Variants in SORCS1 observed in about 807,000 individuals in gnomAD.
SORCS1 encodes VPS10 domain-containing receptor SorCS1.
SORCS1 carries 60 observed loss-of-function variants against 146.1 expected under a neutral mutation model. That is an observed-to-expected ratio of 0.41 (90% CI 0.33 to 0.51). The LOEUF (loss-of-function observed/expected upper bound fraction) is 0.51. Among genes scored for constraint, SORCS1 ranks in the 20% least tolerant of loss-of-function variants. SORCS1 has a pLI of 0.21. For missense variants in SORCS1, 1,352 were observed against 1,487.6 expected (o/e 0.91, Z 1.50); for synonymous variants, 637 against 584.0 (o/e 1.09, Z -1.31).
intron 1 of SORCS1, among the ~76,000 whole-genome samples, chr10:107,019,665 T>C (rs1425074558): frequency 5.3e-5 from 8 of 152,304 alleles, no homozygotes; most frequent in African/African-American, 1.7e-4. Flanking sequence ...GGAAATGCCA[T>C]TCAATCAAAA....
At chr10:106,836,166 G>T (rs1008584184) in intron 2 of SORCS1, among the ~76,000 whole-genome samples, 2 of 151,992 alleles carry the variant, frequency 1.3e-5, no homozygotes, top group Non-Finnish European at 2.9e-5. Context: ...TAACTAGCCT[G>T]CTTAAGACTA....
At chr10:107,174,905 C>T in the SORCS1 span, among the ~76,000 whole-genome samples, 2 of 152,110 alleles carry the variant, frequency 1.3e-5, no homozygotes, top group Non-Finnish European at 2.9e-5. Context: ...ATGCTGTTTA[C>T]TGGAGTTTTT....
At chr10:106,686,905 A>T (rs1399726192) in intron 10 of SORCS1, among the ~76,000 whole-genome samples, 1 of 152,184 alleles carries the variant, frequency 6.6e-6, no homozygotes, top group African/African-American at 2.4e-5. Flanking sequence ...GGATAACATC[A>T]AAGTCAGAAC....
intron 1 of SORCS1, among the ~76,000 whole-genome samples, chr10:107,000,240 G>A (rs1348122604): frequency 6.6e-6 from 1 of 152,212 alleles, no homozygotes; most frequent in Non-Finnish European, 1.5e-5. Context: ...ATGTCAAAGT[G>A]GTCCTGAGAA....
chr10:106,984,166 G>A (rs1383468297), intron 1 of SORCS1, among the ~76,000 whole-genome samples: 1 of 152,114 alleles, frequency 6.6e-6, no homozygotes, highest in Non-Finnish European at 1.5e-5. Context: ...AGACAAGGAC[G>A]TCCTACTGAA....
intron 1 of SORCS1, among the ~76,000 whole-genome samples, chr10:106,994,299 C>CTGGA (rs1956905577): frequency 6.6e-6 from 1 of 151,972 alleles, no homozygotes; most frequent in Admixed American, 6.6e-5. Context: ...AAAAATCTGT[C>CTGGA]TGGAATATGC....
At chr10:106,843,429 CT>C (rs141378677) in intron 2 of SORCS1, among the ~76,000 whole-genome samples, 7 of 116,794 alleles carry the variant, frequency 6.0e-5, no homozygotes, top group Admixed American at 3.2e-4. Flanking sequence ...GCAGGATTTC[CT>C]TTTTTTTTTT....
intron 1 of SORCS1, among the ~76,000 whole-genome samples, chr10:107,141,274 T>C (rs1464460717): frequency 6.6e-6 from 1 of 152,188 alleles, no homozygotes; most frequent in African/African-American, 2.4e-5. Context: ...GCTACTTTTG[T>C]AGAGAGGAAC....
At chr10:107,116,770 C>T (rs924669797) in intron 1 of SORCS1, among the ~76,000 whole-genome samples, 1 of 152,140 alleles carries the variant, frequency 6.6e-6, no homozygotes, top group Admixed American at 6.5e-5. Context: ...TTGTTATAAT[C>T]ATTACACAAA....
intron 5 of SORCS1, among the ~76,000 whole-genome samples, chr10:106,739,750 G>C (rs1322070083): frequency 1.3e-5 from 2 of 151,944 alleles, no homozygotes; most frequent in Admixed American, 1.3e-4. Context: ...AGGAGATCAA[G>C]ATAATCCTGG....
At chr10:107,062,419 A>G (rs940177181) in intron 1 of SORCS1, among the ~76,000 whole-genome samples, 1 of 151,972 alleles carries the variant, frequency 6.6e-6, no homozygotes, top group African/African-American at 2.4e-5. Context: ...TTATAATTAC[A>G]GTTACTTTAA....
intron 1 of SORCS1, among the ~76,000 whole-genome samples, chr10:107,090,121 T>C (rs1488829829): frequency 6.6e-6 from 1 of 152,212 alleles, no homozygotes; most frequent in Non-Finnish European, 1.5e-5. Context: ...GGTCTCTCTC[T>C]GGGATGAACC....
intron 18 of SORCS1, among the ~76,000 whole-genome samples, chr10:106,646,560 G>T (rs1403210268): frequency 6.6e-6 from 1 of 152,018 alleles, no homozygotes; most frequent in African/African-American, 2.4e-5. Context: ...GCTGGGTGTG[G>T]TGGCATGCCC....
At chr10:106,881,076 C>CAAAAAAAAAAAAAA (rs59128024) in intron 2 of SORCS1, among the ~76,000 whole-genome samples, 1 of 69,168 alleles carries the variant, frequency 1.4e-5, no homozygotes, top group Non-Finnish European at 2.7e-5. Context: ...GACTCTGTCT[C>CAAAAAAAAAAAAAA]AAAAAAAAAA....
At chr10:107,162,869 T>C (rs575105896) in intron 1 of SORCS1, among the ~76,000 whole-genome samples, 6 of 152,372 alleles carry the variant, frequency 3.9e-5, no homozygotes, top group African/African-American at 1.2e-4. Flanking sequence ...AATTACCTGG[T>C]TGAAGCTGTA....
chr10:106,718,583 G>A (rs1186521721), intron 6 of SORCS1, among the ~76,000 whole-genome samples: 2 of 152,352 alleles, frequency 1.3e-5, no homozygotes, highest in East Asian at 1.9e-4. Context: ...AAGATTTATT[G>A]CAAAGAGCAA....
intron 1 of SORCS1, among the ~76,000 whole-genome samples, chr10:107,108,665 T>C (rs1020713919): frequency 6.6e-6 from 1 of 152,044 alleles, no homozygotes; most frequent in African/African-American, 2.4e-5. Flanking sequence ...CTCTCAAATC[T>C]CATGTCCTTC....
chr10:107,012,945 A>C (rs1459885211), intron 1 of SORCS1, among the ~76,000 whole-genome samples: 1 of 152,134 alleles, frequency 6.6e-6, no homozygotes, highest in Non-Finnish European at 1.5e-5. Flanking sequence ...TTCCAGGTTG[A>C]GTTGCTTGTT....
chr10:106,748,265 C>T (rs967719860), intron 5 of SORCS1, among the ~76,000 whole-genome samples: 4 of 152,090 alleles, frequency 2.6e-5, no homozygotes, highest in Admixed American at 2.0e-4. Context: ...TGTCTCCGTG[C>T]CACATTTTGC....
Sources: allele counts gnomAD v4.1 joint callset (sites outside exome capture counted in the v4.1 genomes callset), GRCh38; gene constraint gnomAD v4.1.1; transcripts MANE v1.5; gene names NCBI Gene and HGNC (gene_info 2026-07-23, HGNC 2026-07-21).